Variants in PCDH11Y observed in about 807,000 individuals in gnomAD.
PCDH11Y encodes protocadherin 11 Y-linked.
For missense variants in PCDH11Y, 12 were observed against 224.8 expected (o/e 0.05, Z 6.05); for synonymous variants, 9 against 83.6 (o/e 0.11, Z 4.87).
At chrY:5,198,401 G>A in intron 2 of PCDH11Y, among the ~76,000 whole-genome samples, 2 of 32,045 alleles carry the variant, frequency 6.2e-5, no homozygotes, top group Non-Finnish European at 1.5e-4. Context: ...ACCCGCCTTG[G>A]CCTCCCAAAG....
intron 4 of PCDH11Y, among the ~76,000 whole-genome samples, chrY:5,631,835 G>A: frequency 3.0e-5 from 1 of 33,824 alleles, no homozygotes; most frequent in African/African-American, 1.1e-4. Flanking sequence ...AGTGTACAGA[G>A]GGCTTGAGCA....
intron 4 of PCDH11Y, among the ~76,000 whole-genome samples, chrY:5,732,943 T>C: frequency 2.9e-5 from 1 of 34,051 alleles, no homozygotes; most frequent in African/African-American, 1.1e-4. Context: ...TACAGTCTAT[T>C]GATAAAGCTT....
chrY:5,496,153 A>G, intron 2 of PCDH11Y, among the ~76,000 whole-genome samples: 2 of 33,599 alleles, frequency 6.0e-5, no homozygotes, highest in African/African-American at 1.2e-4. Context: ...TTTCTGTGTC[A>G]CAACTTCTCT....
chrY:5,644,377 G>T (rs2053525195), intron 4 of PCDH11Y, among the ~76,000 whole-genome samples: 2 of 33,279 alleles, frequency 6.0e-5, no homozygotes, highest in South Asian at 1.3e-3. Context: ...TATTAATTTT[G>T]AATTCTTTTT....
At chrY:5,077,426 G>T (rs2052711900) in intron 1 of PCDH11Y, among the ~76,000 whole-genome samples, 44 of 23,013 alleles carry the variant, frequency 1.9e-3, no homozygotes, top group Non-Finnish European at 3.3e-3. Flanking sequence ...TTATCTGATG[G>T]CTCTAGCTAG....
intron 2 of PCDH11Y, among the ~76,000 whole-genome samples, chrY:5,381,451 C>T: frequency 3.0e-5 from 1 of 33,319 alleles, no homozygotes. Flanking sequence ...TATAATCTTT[C>T]CCTGATCTTT....
chrY:5,399,673 T>C, intron 2 of PCDH11Y, among the ~76,000 whole-genome samples: 2 of 30,149 alleles, frequency 6.6e-5, no homozygotes, highest in Non-Finnish European at 1.6e-4. Context: ...GCAAATCTTG[T>C]AGTTTTAGTA....
At chrY:5,414,787 G>A (rs2053251513) in intron 2 of PCDH11Y, among the ~76,000 whole-genome samples, 5 of 31,826 alleles carry the variant, frequency 1.6e-4, no homozygotes, top group South Asian at 7.3e-4. Flanking sequence ...TTTGTTTTTC[G>A]GAGTCTTGCA....
chrY:5,273,151 CA>C (rs2053039233), intron 2 of PCDH11Y, among the ~76,000 whole-genome samples: 1 of 33,621 alleles, frequency 3.0e-5, no homozygotes, highest in Non-Finnish European at 7.4e-5. Flanking sequence ...CTAAATGTGG[CA>C]AAAAGTCTGA....
chrY:5,464,642 G>A, intron 2 of PCDH11Y, among the ~76,000 whole-genome samples: 1 of 32,731 alleles, frequency 3.1e-5, no homozygotes, highest in South Asian at 7.0e-4. Context: ...TTCACAGACA[G>A]AGTCCTGTGA....
chrY:5,108,704 G>A (rs2124638543), downstream of PCDH11Y, among the ~76,000 whole-genome samples: 3 of 21,256 alleles, frequency 1.4e-4, no homozygotes, highest in South Asian at 1.2e-3. Flanking sequence ...CCGAGATGGC[G>A]CCACTGCACT....
chrY:5,177,140 G>A, intron 2 of PCDH11Y, among the ~76,000 whole-genome samples: 1 of 33,716 alleles, frequency 3.0e-5, no homozygotes, highest in Non-Finnish European at 7.4e-5. Context: ...ATATAAAACT[G>A]CCAAAGAATG....
chrY:5,265,142 C>T (rs2124658640), intron 2 of PCDH11Y, among the ~76,000 whole-genome samples: 1 of 33,630 alleles, frequency 3.0e-5, no homozygotes, highest in South Asian at 6.7e-4. Flanking sequence ...ATCCATGATA[C>T]ACGACTGTCT....
At chrY:5,162,328 A>C in intron 2 of PCDH11Y, among the ~76,000 whole-genome samples, 1 of 32,874 alleles carries the variant, frequency 3.0e-5, no homozygotes, top group African/African-American at 1.2e-4. Flanking sequence ...ATAACTCTGC[A>C]TCTACTAACA....
intron 1 of PCDH11Y, among the ~76,000 whole-genome samples, chrY:5,067,470 A>C: frequency 6.0e-5 from 2 of 33,243 alleles, no homozygotes; most frequent in African/African-American, 2.4e-4. Context: ...GAAGCAAAAA[A>C]AAAGATTTCT....
At chrY:5,536,082 G>T (rs1224110374) in intron 3 of PCDH11Y, among the ~76,000 whole-genome samples, 1 of 31,803 alleles carries the variant, frequency 3.1e-5, no homozygotes, top group African/African-American at 1.2e-4. Context: ...CCGCCACAAG[G>T]CCCTGCTAAT....
chrY:5,697,799 G>T (rs2053573570), intron 4 of PCDH11Y, among the ~76,000 whole-genome samples: 1 of 30,820 alleles, frequency 3.2e-5, no homozygotes, highest in Non-Finnish European at 7.8e-5. Flanking sequence ...TTAATTGGGG[G>T]ATTTAGCCCA....
At chrY:5,302,375 C>A (rs2124663364) in intron 2 of PCDH11Y, among the ~76,000 whole-genome samples, 1 of 32,220 alleles carries the variant, frequency 3.1e-5, no homozygotes, top group South Asian at 7.1e-4. Context: ...GGAACTTAAA[C>A]TAAAGCTCAG....
intron 2 of PCDH11Y, among the ~76,000 whole-genome samples, chrY:5,194,440 A>C: frequency 6.9e-5 from 2 of 29,053 alleles, no homozygotes; most frequent in African/African-American, 2.7e-4. Context: ...CTCAAAAAAA[A>C]AAAAAAAAAA....
Sources: allele counts gnomAD v4.1 joint callset (sites outside exome capture counted in the v4.1 genomes callset), GRCh38; gene constraint gnomAD v4.1.1; transcripts MANE v1.5; gene names NCBI Gene and HGNC (gene_info 2026-07-23, HGNC 2026-07-21).